Variants in RAP1A observed in about 807,000 individuals in gnomAD.
RAP1A encodes the protein ras-related protein Rap-1A.
A neutral mutation model predicts 26.4 loss-of-function variants in RAP1A; 6 were observed. That is an observed-to-expected ratio of 0.23 (90% confidence interval 0.12 to 0.45). RAP1A has a LOEUF of 0.45. Among genes scored for constraint, RAP1A ranks in the 20% least tolerant of loss-of-function variants. RAP1A has a pLI of 0.99. For synonymous variants in RAP1A, 73 were observed against 79.4 expected, an observed-to-expected ratio of 0.92 and a Z score of 0.43; for missense variants, 121 against 217.2, an observed-to-expected ratio of 0.56 and a Z score of 2.78.
chr1:111,574,873 A>G (rs1224890289), intron 1 of RAP1A, among the ~76,000 whole-genome samples: 1 of 152,250 alleles, frequency 6.6e-6, no homozygotes, highest in Non-Finnish European at 1.5e-5. Context: ...TTGGCAAGAA[A>G]TAATTATGTG....
intron 4 of RAP1A, among the ~76,000 whole-genome samples, chr1:111,699,880 C>T (rs1571571767): frequency 6.6e-6 from 1 of 152,260 alleles, no homozygotes; most frequent in Non-Finnish European, 1.5e-5. Context: ...AGCTTCAGGT[C>T]CACGGTCCAT....
intron 1 of RAP1A, among the ~76,000 whole-genome samples, chr1:111,626,699 TTTAG>T (rs1419822404): frequency 6.6e-6 from 1 of 152,208 alleles, no homozygotes; most frequent in African/African-American, 2.4e-5. Context: ...CAATAATATA[TTTAG>T]TTAGTTTGCA....
intron 1 of RAP1A, among the ~76,000 whole-genome samples, chr1:111,553,049 T>G (rs927973311): frequency 6.6e-6 from 1 of 152,196 alleles, no homozygotes; most frequent in African/African-American, 2.4e-5. Flanking sequence ...CCCAAACACT[T>G]CATATTCAGA....
chr1:111,579,340 A>G (rs973286374), intron 1 of RAP1A, among the ~76,000 whole-genome samples: 1 of 152,194 alleles, frequency 6.6e-6, no homozygotes, highest in African/African-American at 2.4e-5. Flanking sequence ...AGATGTTCCT[A>G]TCACCCAGGA....
chr1:111,703,202 T>C (rs567290359), intron 4 of RAP1A, 134 bp from the exon 5 acceptor site: 3 of 537,194 alleles, frequency 5.6e-6, no homozygotes, highest in South Asian at 5.2e-5. Flanking sequence ...TAGAAACTTG[T>C]GTTATGTCTT....
chr1:111,593,434 TA>T (rs1396433659), intron 1 of RAP1A, among the ~76,000 whole-genome samples: 1 of 152,136 alleles, frequency 6.6e-6, no homozygotes, highest in Admixed American at 6.5e-5. Context: ...TGGGAATGTT[TA>T]GAATGCATCC....
chr1:111,585,178 C>T lies in RAP1A; in HGVS notation c.-28+42669C>T, dbSNP rs532514292. On this transcript the variant is annotated intron_variant, in intron 1 of 7. Coordinates refer to the RAP1A transcript ENST00000356415. ...CTTTCAAGTCTGGACACCTGCATTC[C>T]TCAACTATCCTAGCTCCAGGGGAGG... Among the ~76,000 whole-genome samples, 39 of 152,322 alleles carry T rather than the reference C, an allele frequency of 2.6e-4. No individual in the cohort carries two copies. The South Asian group carries it at 7.9e-3, about 31-fold the overall frequency.
intron 4 of RAP1A, among the ~76,000 whole-genome samples, chr1:111,700,543 A>G (rs1295408110): frequency 2.6e-5 from 4 of 152,176 alleles, no homozygotes; most frequent in African/African-American, 2.4e-5. Flanking sequence ...CTCACCTCCA[A>G]CACTGGGGAT....
At chr1:111,685,371 A>G (rs1487122695) in intron 1 of RAP1A, among the ~76,000 whole-genome samples, 1 of 152,152 alleles carries the variant, frequency 6.6e-6, no homozygotes, top group Non-Finnish European at 1.5e-5. Context: ...TTTGCAATCT[A>G]TCCATCTGAC....
chr1:111,686,612 G>GC (rs1661487316), intron 1 of RAP1A: 2 of 143,726 alleles, frequency 1.4e-5, no homozygotes, highest in African/African-American at 5.1e-5. Context: ...GATGACTTGA[G>GC]CAAGGGAGGT....
chr1:111,683,449 C>T (rs2101216615), intron 1 of RAP1A, among the ~76,000 whole-genome samples: 1 of 151,952 alleles, frequency 6.6e-6, no homozygotes, highest in East Asian at 1.9e-4. Context: ...AGAGAAGAAT[C>T]AAATAGATGC....
chr1:111,625,017 T>G (rs1363844336), intron 1 of RAP1A, among the ~76,000 whole-genome samples: 1 of 152,234 alleles, frequency 6.6e-6, no homozygotes, highest in Non-Finnish European at 1.5e-5. Context: ...TGGTTCAAAG[T>G]GTTAAAGTTA....
chr1:111,609,125 G>A (rs1297021250), intron 1 of RAP1A, among the ~76,000 whole-genome samples: 4 of 152,200 alleles, frequency 2.6e-5, no homozygotes, highest in Non-Finnish European at 5.9e-5. Flanking sequence ...GATGAACAGA[G>A]GGGCGGTGAG....
chr1:111,651,891 C>T (rs969717384), intron 1 of RAP1A, among the ~76,000 whole-genome samples: 12 of 151,898 alleles, frequency 7.9e-5, no homozygotes, highest in Non-Finnish European at 1.2e-4. Context: ...GGATTACAGG[C>T]GTGAGAGACC....
At chr1:111,683,471 A>G (rs1040007502) in intron 1 of RAP1A, among the ~76,000 whole-genome samples, 1 of 152,234 alleles carries the variant, frequency 6.6e-6, no homozygotes, top group Non-Finnish European at 1.5e-5. Context: ...ATAAAAAGTG[A>G]TAAAGGGGAT....
At chr1:111,653,434 C>A (rs1372830180) in intron 1 of RAP1A, among the ~76,000 whole-genome samples, 9 of 152,070 alleles carry the variant, frequency 5.9e-5, no homozygotes, top group Non-Finnish European at 1.2e-4. Context: ...GTAATCCCAG[C>A]ACTTTGGGAG....
At chr1:111,635,235 C>T (rs1659692458) in intron 1 of RAP1A, among the ~76,000 whole-genome samples, 1 of 152,170 alleles carries the variant, frequency 6.6e-6, no homozygotes, top group African/African-American at 2.4e-5. Flanking sequence ...TTTGATTCTT[C>T]TAACTCAGAT....
intron 1 of RAP1A, among the ~76,000 whole-genome samples, chr1:111,626,377 A>G (rs866138907): frequency 1.2e-4 from 17 of 146,126 alleles, no homozygotes; most frequent in Middle Eastern, 7.1e-3. Context: ...ACATACACAC[A>G]CACACACACA....
intron 1 of RAP1A, among the ~76,000 whole-genome samples, chr1:111,564,353 A>C (rs1389454662): frequency 6.6e-6 from 1 of 152,066 alleles, no homozygotes; most frequent in Admixed American, 6.5e-5. Context: ...AAACTATTCT[A>C]AGTTGGGAGT....
Sources: allele counts gnomAD v4.1 joint callset (sites outside exome capture counted in the v4.1 genomes callset), GRCh38; gene constraint gnomAD v4.1.1; transcripts MANE v1.5; gene names NCBI Gene and HGNC (gene_info 2026-07-23, HGNC 2026-07-21).